ZC2HC1C: variants seen among roughly 807,000 people sequenced by gnomAD.
The protein encoded by ZC2HC1C is zinc finger C2HC domain-containing protein 1C.
ZC2HC1C carries 25 observed loss-of-function variants against 39.2 expected under a neutral mutation model. The observed-to-expected ratio is 0.64, with a 90% confidence interval of 0.47 to 0.89. The LOEUF is 0.89. Among genes scored for constraint, ZC2HC1C ranks in the 40% least tolerant of loss-of-function variants. ZC2HC1C has a pLI of 0.00. For missense variants in ZC2HC1C, 519 were observed against 548.6 expected (o/e 0.95, Z 0.54); for synonymous variants, 209 against 214.4 (o/e 0.97, Z 0.22).
intron 2 of ZC2HC1C, among the ~76,000 whole-genome samples, chr14:75,077,076 T>C (rs1449654701): frequency 1.3e-5 from 2 of 152,200 alleles, no homozygotes; most frequent in African/African-American, 4.8e-5. Flanking sequence ...TGTACACTTG[T>C]ACTTAATCCC....
intron 2 of ZC2HC1C, among the ~76,000 whole-genome samples, chr14:75,073,215 T>C (rs189965684): frequency 5.9e-4 from 90 of 152,358 alleles, no homozygotes; most frequent in African/African-American, 2.1e-3. Context: ...ATCATCTCCC[T>C]GAAATCTAGT....
rs552859440 is a variant in ZC2HC1C, at chr14:75,070,686, G to A, written c.113G>A (p.Gly38Asp). ...HSAKQDSYEQGDSSQQSLKGH... is the reference protein window; with the variant it reads ...HSAKQDSYEQDDSSQQSLKGH... ...GCCAAGCAAGACTCTTACGAACAAG[G>A]TGACTCTTCCCAGCAGTCCTTGAAG... is the stretch of plus-strand genomic sequence containing the variant. Residue 38 changes from glycine to aspartate, a missense_variant, in exon 2 of 3, where the codon GGT becomes GAT. By Grantham distance (94) the Gly-to-Asp change is moderately conservative. Transcript: ENST00000524913. 6.2e-7 allele frequency: 1 copy of A among 1,614,174 alleles called. No homozygotes were observed. The highest frequency in any genetic ancestry group is 1.3e-5 in the African/African-American group (1 of 75,040).
At position 75,071,869 on chromosome 14, in the gene ZC2HC1C, A is replaced by G. The variant is rs762136352; in HGVS notation, c.1296A>G (p.Glu432=). 4.3e-6 allele frequency: 7 copies of G among 1,611,786 alleles called. No individual in the cohort carries two copies. Among genetic ancestry groups the G allele is most frequent in the Non-Finnish European group, 5.9e-6 (7 of 1,178,932 alleles). ...CCAGGGCCCGGGCTAAGGGCACAGA[A>G]CTAGAGCAGTACTTGAACTGGAAGG... ...DSSRARAKGT[E]LEQYLNWKGP... is the part of the protein sequence containing the mutation. Residue 432 remains glutamate, a synonymous_variant, in exon 2 of 3, where the codon GAA becomes GAG. Coordinates refer to ENST00000524913, the MANE Select transcript of ZC2HC1C (RefSeq NM_024643.4).
At chr14:75,077,115 C>T (rs1032816210) in intron 2 of ZC2HC1C, among the ~76,000 whole-genome samples, 2 of 152,168 alleles carry the variant, frequency 1.3e-5, no homozygotes, top group Non-Finnish European at 2.9e-5. Context: ...TAACCCAGTT[C>T]CACGTGTCTA....
rs369938501 is a variant in ZC2HC1C at position 75,071,454 on chromosome 14, A to G, written c.881A>G (p.Glu294Gly). The G allele has an allele frequency of 1.9e-5, 30 of 1,614,086 alleles. No individual in the cohort carries two copies. In the African/African-American group the frequency reaches 3.7e-4, roughly 20 times the overall value. ...TTCTCCCCAGAATTTGAGTTTGAGG[A>G]AGAATTTAGTAGAGACAGGAGAGAG... ...PIFSPEFEFE[E>G]EFSRDRREDE... Residue 294 changes from glutamate (E) to glycine (G), a missense_variant, in exon 2 of 3, where the codon GAA (glutamate) becomes GGA (glycine). Transcript: ENST00000524913.
At position 75,071,804 on chromosome 14, in the gene ZC2HC1C, A is replaced by G. The variant is rs1235979160; in HGVS notation, c.1231A>G (p.Ser411Gly). The G allele has an allele frequency of 3.1e-6, 5 of 1,614,096 alleles. No homozygotes were observed. The highest frequency in any genetic ancestry group is 4.5e-5 in the East Asian group (2 of 44,906). The change falls in exon 2 of 3, where the codon AGC (serine) becomes GGC (glycine). Residue 411 changes from serine to glycine, a missense_variant. Physicochemically the swap from Ser to Gly is moderately conservative, Grantham distance 56 (BLOSUM62 0). Coordinates refer to ENST00000524913, the MANE Select transcript of ZC2HC1C (RefSeq NM_024643.4). ...GCTGGAGAGACACTCCAACATCTGC[A>G]GCAGGATGCGGGGTTCCAAGAGGAA... is the stretch of plus-strand genomic sequence containing the variant. ...FRLERHSNIC[S>G]RMRGSKRKVF...
intron 2 of ZC2HC1C, 45 bp from the exon 3 acceptor site, chr14:75,077,487 A>T: frequency 6.2e-7 from 1 of 1,612,920 alleles, no homozygotes; most frequent in South Asian, 1.1e-5. Flanking sequence ...CTCAGGAAGG[A>T]GATAGGTGCC....
chr14:75,070,959 C>T lies in ZC2HC1C; in HGVS notation c.386C>T (p.Thr129Ile). The change falls in exon 2 of 3, where the codon ACA (threonine) becomes ATA (isoleucine). Residue 129 changes from threonine to isoleucine, a missense_variant. Thr to Ile is a moderately conservative substitution (Grantham distance 89). Coordinates refer to ENST00000524913, the MANE Select transcript of ZC2HC1C (RefSeq NM_024643.4). Reference protein sequence around the residue: ...KANNQDFIPFTKKRVGVDRAF... With the variant: ...KANNQDFIPFIKKRVGVDRAF... The stretch of plus-strand genomic sequence containing the variant: ...AATAACCAGGACTTTATCCCCTTTA[C>T]AAAGAAACGAGTTGGAGTGGACCGG... 1 of 1,614,208 alleles carries T rather than the reference C, an allele frequency of 6.2e-7. No individual in the cohort carries two copies. Among genetic ancestry groups the T allele is most frequent in the Non-Finnish European group, 8.5e-7 (1 of 1,180,036 alleles).
Position 75,071,359 on chromosome 14 carries a change from G to A in ZC2HC1C, c.786G>A (p.Glu262=). ...KEQAKENENG[E]LQKIILPRSR... is the part of the protein sequence containing the mutation. The stretch of plus-strand genomic sequence containing the variant: ...AGGCCAAGGAAAATGAAAACGGAGA[G>A]CTACAGAAAATTATACTCCCCAGGA... Residue 262 remains glutamate, a synonymous_variant, in exon 2 of 3, where the codon GAG becomes GAA. Transcript: ENST00000524913. 6.2e-7 allele frequency: 1 copy of A among 1,613,940 alleles called. No homozygotes were observed. The highest frequency in any genetic ancestry group is 8.5e-7 in the Non-Finnish European group (1 of 1,179,996).
intron 2 of ZC2HC1C, among the ~76,000 whole-genome samples, chr14:75,074,100 G>T (rs1667693831): frequency 6.6e-6 from 1 of 152,114 alleles, no homozygotes; most frequent in African/African-American, 2.4e-5. Context: ...AGTAGAGACG[G>T]GGTTTCACCA....
chr14:75,073,020 TCCC>T (rs1002023672), intron 2 of ZC2HC1C, among the ~76,000 whole-genome samples: 7 of 152,198 alleles, frequency 4.6e-5, no homozygotes, highest in Non-Finnish European at 5.9e-5. Flanking sequence ...TTTCATTTCT[TCCC>T]AACCCTCCCT....
chr14:75,074,642 G>A (rs1439169697), intron 2 of ZC2HC1C, among the ~76,000 whole-genome samples: 1 of 152,002 alleles, frequency 6.6e-6, no homozygotes, highest in Admixed American at 6.6e-5. Flanking sequence ...CTTGATCTTG[G>A]CTTACTGCAA....
intron 2 of ZC2HC1C, among the ~76,000 whole-genome samples, chr14:75,075,322 GCTTCT>G (rs964055609): frequency 1.3e-5 from 2 of 152,104 alleles, no homozygotes; most frequent in Non-Finnish European, 2.9e-5. Context: ...ACTTCTCTTT[GCTTCT>G]CTTCTTTGTT....
intron 1 of ZC2HC1C, 79 bp from the exon 2 acceptor site, chr14:75,070,476 G>A (rs1893309789): frequency 1.3e-6 from 2 of 1,483,750 alleles, no homozygotes; most frequent in Admixed American, 2.3e-5. Context: ...CAGGGCAAAT[G>A]TAGAAATAGT....
rs66560922 is a variant in ZC2HC1C at position 75,079,215 on chromosome 14, C to CAAAAAAAAAAAAAAAAAA, written c.*1654_*1671dup. 1 of 85,250 alleles carries CAAAAAAAAAAAAAAAAAA rather than the reference C, an allele frequency of 1.2e-5. No homozygotes were observed. The highest frequency in any genetic ancestry group is 4.5e-5 in the African/African-American group (1 of 22,156). 5.3% of individuals were successfully genotyped at this position (85,250 alleles called of 1,614,324 possible). On this transcript the variant is annotated 3_prime_UTR_variant, in exon 3 of 3. Coordinates refer to ENST00000524913, the MANE Select transcript of ZC2HC1C (RefSeq NM_024643.4). ...CTGGTGACCTAGTGAGACTCCATCT[C>CAAAAAAAAAAAAAAAAAA]AAAAAAAAAAAAAAAAAAAAGAAAA...
At position 75,070,546 on chromosome 14, in the gene ZC2HC1C, C is replaced by T. The variant is rs768791311; in HGVS notation, c.-19-9C>T. On this transcript the variant is annotated splice_polypyrimidine_tract_variant and intron_variant, in intron 1 of 2. Transcript: ENST00000524913. Reference sequence around the variant, plus strand: ...CTCTTCCCGTGTATCTGGTTTAAATCTCCCGTAGGCGTCAGTCCAGGCCCT... The same window carrying T: ...CTCTTCCCGTGTATCTGGTTTAAATTTCCCGTAGGCGTCAGTCCAGGCCCT... The T allele has an allele frequency of 4.5e-6, 7 of 1,565,552 alleles. No individual in the cohort carries two copies. The Admixed American group carries it at 1.4e-4, about 31-fold the overall frequency.
chr14:75,071,602 A>G lies in ZC2HC1C; in HGVS notation c.1029A>G (p.Ser343=). ...ATAATAAAATTCGAGACCCAGTCTC[A>G]GAGCCATCGGTGGAGAAATTCTCCC... The part of the protein sequence containing the change: ...ASNNKIRDPV[S]EPSVEKFSPP... The change falls in exon 2 of 3, where the codon TCA becomes TCG. Residue 343 remains serine (S), a synonymous_variant. Coordinates refer to ENST00000524913, the MANE Select transcript of ZC2HC1C (RefSeq NM_024643.4). The G allele has an allele frequency of 6.2e-7, 1 of 1,614,222 alleles. No individual in the cohort carries two copies. Among genetic ancestry groups the G allele is most frequent in the Non-Finnish European group, 8.5e-7 (1 of 1,180,038 alleles).
At chr14:75,075,433 GT>G (rs1893623604) in intron 2 of ZC2HC1C, among the ~76,000 whole-genome samples, 1 of 152,124 alleles carries the variant, frequency 6.6e-6, no homozygotes, top group African/African-American at 2.4e-5. Flanking sequence ...CAGGTATATT[GT>G]CTTGGAATGA....
rs1281804396 is a variant in ZC2HC1C at position 75,079,175 on chromosome 14, C to T, written c.*1611C>T. ...ATGGCCACTCACTCTTGCTCCATTT[C>T]CACTGCACTCCAGCCTGGTGACCTA... On this transcript the variant is annotated 3_prime_UTR_variant, in exon 3 of 3. Transcript: ENST00000524913. The T allele has an allele frequency of 6.9e-6, 1 of 144,912 alleles. No individual in the cohort carries two copies. The highest frequency in any genetic ancestry group is 1.5e-5 in the Non-Finnish European group (1 of 67,230). 9.0% of individuals were successfully genotyped at this position (144,912 alleles called of 1,614,324 possible).
Sources: gnomAD v4.1 joint callset for allele counts (sites outside exome capture counted in the v4.1 genomes callset) on GRCh38, gnomAD v4.1.1 for gene constraint, MANE v1.5 for transcripts, NCBI Gene and HGNC (gene_info 2026-07-23, HGNC 2026-07-21) for gene names.